The following UBE2QL1 variants were observed in gnomAD, a reference collection of about 807,000 sequenced individuals.
UBE2QL1 encodes ubiquitin-conjugating enzyme E2Q-like protein 1.
A neutral mutation model predicts 12.6 loss-of-function variants in UBE2QL1; 5 were observed. The observed-to-expected ratio is 0.40, with a 90% CI of 0.21 to 0.83. The LOEUF is 0.83. Ranked by LOEUF, UBE2QL1 falls within the 40% of genes least tolerant of loss-of-function variation. The pLI is 0.37. For synonymous variants in UBE2QL1, 96 were observed against 94.5 expected, an observed-to-expected ratio of 1.02 and a Z score of -0.10; for missense variants, 99 against 222.6, an observed-to-expected ratio of 0.44 and a Z score of 3.53.
intron 1 of UBE2QL1, among the ~76,000 whole-genome samples, chr5:6,464,844 G>A (rs1402119660): frequency 6.6e-6 from 1 of 152,192 alleles, no homozygotes; most frequent in Non-Finnish European, 1.5e-5. Flanking sequence ...AACAGCATTC[G>A]TAGCTCTGCA....
chr5:6,457,308 T>C (rs1739545918), intron 1 of UBE2QL1, among the ~76,000 whole-genome samples: 1 of 152,014 alleles, frequency 6.6e-6, no homozygotes, highest in Non-Finnish European at 1.5e-5. Flanking sequence ...CCAACTTCTC[T>C]GCAAACAGCT....
chr5:6,451,244 G>T (rs1247344889), intron 1 of UBE2QL1, among the ~76,000 whole-genome samples: 1 of 47,320 alleles, frequency 2.1e-5, no homozygotes, highest in Non-Finnish European at 5.4e-5. Flanking sequence ...AATGAGAAAT[G>T]GGGATTTTTT....
chr5:6,465,650 C>T (rs1490219238), intron 1 of UBE2QL1, among the ~76,000 whole-genome samples: 2 of 152,130 alleles, frequency 1.3e-5, no homozygotes, highest in Non-Finnish European at 2.9e-5. Context: ...GTGCCCCTCT[C>T]CGCCCCCAGC....
At chr5:6,462,749 G>T (rs1371569123) in intron 1 of UBE2QL1, among the ~76,000 whole-genome samples, 1 of 152,170 alleles carries the variant, frequency 6.6e-6, no homozygotes, top group Non-Finnish European at 1.5e-5. Flanking sequence ...TTTCCCCATA[G>T]AATTCTATGG....
Position 6,478,710 on chromosome 5 carries a change from T to C in UBE2QL1, c.355-12508T>C, listed in dbSNP as rs773198501. On this transcript the variant is annotated intron_variant, in intron 1 of 1. Transcript: ENST00000399816. This position sits in a 1 kb window ranked among gnomAD's most constrained non-coding sequence, Gnocchi z 4.5. The stretch of plus-strand genomic sequence containing the variant: ...CCGCAGCAAGGCTGGGCCATAGCAG[T>C]TGTGAAATGAAGTGTCCTGATCACC... Among the ~76,000 whole-genome samples the C allele has an allele frequency of 8.6e-5, 13 of 151,446 alleles. No individual in the cohort carries two copies. The highest frequency in any genetic ancestry group is 1.8e-4 in the Non-Finnish European group (12 of 67,888).
In UBE2QL1 at chr5:6,485,824, G is replaced by A. The variant is rs921405247; in HGVS notation, c.355-5394G>A. ...AGGAATGAGAGAAAAAGCTAATCAA[G>A]TAAGTATAGAATTAATGTATTAATG... On this transcript the variant is annotated intron_variant, in intron 1 of 1. Coordinates refer to ENST00000399816, the MANE Select transcript of UBE2QL1 (RefSeq NM_001145161.3). Among the ~76,000 whole-genome samples, 13 of 152,302 alleles carry A rather than the reference G, an allele frequency of 8.5e-5. 1 individual carries two copies. In the South Asian group the frequency reaches 1.7e-3, roughly 19 times the overall value.
Position 6,491,464 on chromosome 5 carries a change from C to A in UBE2QL1, c.*115C>A. ...TTTTTACTCCAGCCAGAACTGCATC[C>A]TGAATGCCCAGGAGACGTTTAAGTT... On this transcript the variant is annotated 3_prime_UTR_variant, in exon 2 of 2. Coordinates refer to ENST00000399816, the MANE Select transcript of UBE2QL1 (RefSeq NM_001145161.3). The A allele has an allele frequency of 7.4e-7, 1 of 1,347,046 alleles. No individual in the cohort carries two copies. The highest frequency in any genetic ancestry group is 9.8e-7 in the Non-Finnish European group (1 of 1,021,522). 83.4% of individuals were successfully genotyped at this position (1,347,046 alleles called of 1,614,324 possible).
intron 1 of UBE2QL1, among the ~76,000 whole-genome samples, chr5:6,469,433 TTATA>T (rs930383243): frequency 1.3e-5 from 2 of 148,598 alleles, no homozygotes; most frequent in African/African-American, 4.9e-5. Context: ...CTATACATAT[TTATA>T]TAATCTAAGG....
intron 1 of UBE2QL1, among the ~76,000 whole-genome samples, chr5:6,485,778 G>A (rs1322723048): frequency 1.3e-5 from 2 of 152,100 alleles, no homozygotes. Context: ...AAAATACCAA[G>A]AAAGTATGTT....
chr5:6,450,590 C>T lies in UBE2QL1; in HGVS notation c.354+1343C>T, dbSNP rs915370626. On this transcript the variant is annotated intron_variant, in intron 1 of 1. Transcript: ENST00000399816. ...CTACAGGCGGCCTATCAGAAGCCAT[C>T]ACTTCTTCCCTGCCTGGCACTTTCA... 2.6e-5 allele frequency among the ~76,000 whole-genome samples: 4 copies of T among 152,234 alleles called. No individual in the cohort carries two copies. The East Asian group carries it at 7.7e-4, about 29-fold the overall frequency.
At chr5:6,490,807 A>T (rs562000240) in intron 1 of UBE2QL1, among the ~76,000 whole-genome samples, 1 of 152,330 alleles carries the variant, frequency 6.6e-6, no homozygotes, top group South Asian at 2.1e-4. Context: ...GAGGGAGGGA[A>T]AGGAAGTTCG....
intron 1 of UBE2QL1, among the ~76,000 whole-genome samples, chr5:6,460,252 A>G (rs1202334987): frequency 1.3e-5 from 2 of 152,244 alleles, no homozygotes; most frequent in Admixed American, 1.3e-4. Context: ...AACTGCTCAC[A>G]TGAATCATGA....
At chr5:6,471,757 T>C (rs1470310312) in intron 1 of UBE2QL1, among the ~76,000 whole-genome samples, 1 of 152,230 alleles carries the variant, frequency 6.6e-6, no homozygotes, top group Non-Finnish European at 1.5e-5. Context: ...GGCTGCCTGA[T>C]ACAGGAGCAT....
chr5:6,488,457 C>CA (rs200680109), intron 1 of UBE2QL1, among the ~76,000 whole-genome samples: 34,426 of 139,314 alleles, frequency 0.25, 4,111 homozygotes, highest in East Asian at 0.35. Context: ...GCATTTTCGC[C>CA]AAAAAAAAAA....
At chr5:6,466,200 C>G (rs1429871731) in intron 1 of UBE2QL1, among the ~76,000 whole-genome samples, 1 of 152,224 alleles carries the variant, frequency 6.6e-6, no homozygotes, top group East Asian at 1.9e-4. Context: ...TCCCTGTTTC[C>G]TCTTCCAAAA....
intron 1 of UBE2QL1, among the ~76,000 whole-genome samples, chr5:6,467,767 T>G (rs889866006): frequency 9.2e-5 from 14 of 151,702 alleles, no homozygotes; most frequent in Non-Finnish European, 1.6e-4. Flanking sequence ...CCCCAGCCTC[T>G]CCACCCGCGC....
chr5:6,495,876 T>A lies in UBE2QL1; in HGVS notation c.*4527T>A, dbSNP rs1188702202. Among the ~76,000 whole-genome samples, 1 of 152,250 alleles carries A rather than the reference T, an allele frequency of 6.6e-6. No individual in the cohort carries two copies. The highest frequency in any genetic ancestry group is 1.5e-5 in the Non-Finnish European group (1 of 68,040). ...CCTCTAGTTCCCATAGTATTAAATA[T>A]CATTTTTAAGCCCAGGGCCTGTCTG... On this transcript the variant is annotated 3_prime_UTR_variant, in exon 2 of 2. Transcript: ENST00000399816.
At chr5:6,487,540 TTTAACA>T (rs1236944731) in intron 1 of UBE2QL1, among the ~76,000 whole-genome samples, 1 of 152,232 alleles carries the variant, frequency 6.6e-6, no homozygotes, top group African/African-American at 2.4e-5. Context: ...ATCTATGCCT[TTTAACA>T]TTAAGAACAA....
chr5:6,460,006 AT>A (rs1450834909), intron 1 of UBE2QL1, among the ~76,000 whole-genome samples: 1 of 152,156 alleles, frequency 6.6e-6, no homozygotes, highest in East Asian at 1.9e-4. Flanking sequence ...CTTGCGAAAG[AT>A]CCTAAACCTT....
Sources: gnomAD v4.1 joint callset for allele counts (sites outside exome capture counted in the v4.1 genomes callset) on GRCh38, gnomAD v4.1.1 for gene constraint, Gnocchi (gnomAD v3.1) non-coding constraint, MANE v1.5 for transcripts, NCBI Gene and HGNC (gene_info 2026-07-23, HGNC 2026-07-21) for gene names.